ADCY9: variants seen among roughly 807,000 people sequenced by gnomAD.
The protein encoded by ADCY9 is adenylate cyclase type 9.
Under a neutral mutation model 101.5 loss-of-function variants are expected in ADCY9, and 50 were observed. The observed-to-expected ratio is 0.49, with a 90% confidence interval of 0.39 to 0.62. ADCY9 has a LOEUF of 0.62. ADCY9 is among the 20% of genes least tolerant of loss of function. The pLI, the probability that ADCY9 is intolerant of heterozygous loss-of-function variation, is 0.00. For missense variants in ADCY9, 1,662 were observed against 1,800.4 expected, an observed-to-expected ratio of 0.92 and a Z score of 1.39; for synonymous variants, 905 against 769.3, an observed-to-expected ratio of 1.18 and a Z score of -2.92.
At position 3,965,708 on chromosome 16, in the gene ADCY9, A is replaced by G; in HGVS notation, c.*67T>C. 6.8e-7 allele frequency: 1 copy of G among 1,479,534 alleles called. No homozygotes were observed. The highest frequency in any genetic ancestry group is 9.2e-7 in the Non-Finnish European group (1 of 1,088,084). The allele number at this position is 1,479,534 out of a possible 1,614,324, so 91.7% of individuals were successfully genotyped here. ...GCAACTGTGGCGCTTGGAAAGCACA[A>G]CAGCCAAATACAAATATTACTGTGT... On this transcript the variant is annotated 3_prime_UTR_variant, in exon 11 of 11. Coordinates refer to ENST00000294016, the MANE Select transcript of ADCY9 (RefSeq NM_001116.4).
chr16:3,990,359 G>T (rs61254246), intron 5 of ADCY9, among the ~76,000 whole-genome samples: 67,799 of 151,804 alleles, frequency 0.45, 17,521 homozygotes, highest in Non-Finnish European at 0.57. Context: ...CCAGCTACTC[G>T]GGTGGCTAAG....
chr16:4,007,618 C>T (rs1262000139), intron 2 of ADCY9, 60 bp from the exon 3 acceptor site: 3 of 1,407,294 alleles, frequency 2.1e-6, no homozygotes, highest in African/African-American at 2.9e-5. Flanking sequence ...TGAAACGCAG[C>T]TCCGTCTTGC....
chr16:4,077,357 T>C (rs1442016715), intron 2 of ADCY9, among the ~76,000 whole-genome samples: 1 of 152,110 alleles, frequency 6.6e-6, no homozygotes, highest in East Asian at 1.9e-4. Flanking sequence ...TTTCTGGCTG[T>C]AGAGAGATCA....
At chr16:4,103,572 G>A (rs375220540) in intron 2 of ADCY9, among the ~76,000 whole-genome samples, 2 of 152,362 alleles carry the variant, frequency 1.3e-5, no homozygotes, top group East Asian at 3.9e-4. Context: ...GCTCACGCCT[G>A]TAATCCCAGC....
downstream of ADCY9, among the ~76,000 whole-genome samples, chr16:3,959,235 C>A (rs1464692860): frequency 6.6e-6 from 1 of 152,026 alleles, no homozygotes; most frequent in Non-Finnish European, 1.5e-5. Flanking sequence ...GTGGCACGCA[C>A]TTGTAGTCCT....
chr16:3,963,708 C>G lies in ADCY9; in HGVS notation c.*2067G>C, dbSNP rs1298926034. 4.4e-6 allele frequency: 1 copy of G among 227,824 alleles called. No individual in the cohort carries two copies. The highest frequency in any genetic ancestry group is 8.5e-6 in the Non-Finnish European group (1 of 117,506). The allele number at this position is 227,824 out of a possible 1,614,324, so 14.1% of individuals were successfully genotyped here. On this transcript the variant is annotated 3_prime_UTR_variant, in exon 11 of 11. Transcript: ENST00000294016. The stretch of plus-strand genomic sequence containing the variant: ...AAGGTCGTGAGCAAACGCCCAGCCC[C>G]TCAAAGCTACACAGCCTGGAGGGGA...
rs149616013 is a variant in ADCY9 at position 3,979,178 on chromosome 16, C to G, written c.2617G>C (p.Val873Leu). ...TAGACGGCCAGTGCGGGAAGCGACA[C>G]CAGGATGGCCCCGATGCAGTGACGT... is the stretch of plus-strand genomic sequence containing the variant. ...LPRHCIGAIL[V>L]SLPALAVYSH... is the part of the protein sequence containing the mutation. Residue 873 changes from valine (V) to leucine (L), a missense_variant, in exon 8 of 11, where the codon GTG (valine) becomes CTG (leucine). Around this residue, in one of 5 missense-constraint regions of ADCY9, gnomAD observed 624 missense variants for 639.1 expected, o/e 0.98. Transcript: ENST00000294016. 1 of 1,614,032 alleles carries G rather than the reference C, an allele frequency of 6.2e-7. No individual in the cohort carries two copies.
chr16:4,086,327 T>G (rs973389097), intron 2 of ADCY9, among the ~76,000 whole-genome samples: 1 of 152,054 alleles, frequency 6.6e-6, no homozygotes, highest in Admixed American at 6.6e-5. Flanking sequence ...CCACATGCCA[T>G]GTACTACGTG....
At chr16:4,039,155 C>T (rs977618275) in intron 2 of ADCY9, among the ~76,000 whole-genome samples, 5 of 152,262 alleles carry the variant, frequency 3.3e-5, no homozygotes, top group Non-Finnish European at 4.4e-5. Flanking sequence ...GAGACTCTAA[C>T]GTGGCATGCA....
intron 2 of ADCY9, among the ~76,000 whole-genome samples, chr16:4,013,020 G>A (rs1254908612): frequency 6.6e-6 from 1 of 151,990 alleles, no homozygotes; most frequent in Non-Finnish European, 1.5e-5. Flanking sequence ...CGGAGGCCGC[G>A]GCAGGAGGAT....
At chr16:4,063,313 G>A (rs1421109325) in intron 2 of ADCY9, among the ~76,000 whole-genome samples, 4 of 151,958 alleles carry the variant, frequency 2.6e-5, no homozygotes, top group African/African-American at 9.7e-5. Flanking sequence ...GAAAAACACA[G>A]CAGATCAAAA....
intron 10 of ADCY9, among the ~76,000 whole-genome samples, chr16:3,974,295 C>T (rs932598144): frequency 2.7e-4 from 41 of 151,478 alleles, no homozygotes; most frequent in Admixed American, 1.9e-3. Flanking sequence ...CCGCCCGCCT[C>T]GGCCTCCCAA....
At chr16:4,085,340 C>T (rs190807663) in intron 2 of ADCY9, among the ~76,000 whole-genome samples, 4 of 152,102 alleles carry the variant, frequency 2.6e-5, no homozygotes, top group South Asian at 2.1e-4. Context: ...CCAGCCTGGG[C>T]GACAGAGCAA....
chr16:4,008,920 C>T (rs1291896102), intron 2 of ADCY9, among the ~76,000 whole-genome samples: 3 of 152,062 alleles, frequency 2.0e-5, no homozygotes, highest in African/African-American at 4.8e-5. Context: ...AAGATGCCAT[C>T]GAGAGGCGAC....
chr16:4,029,459 G>GT (rs1379318219), intron 2 of ADCY9, among the ~76,000 whole-genome samples: 3 of 152,126 alleles, frequency 2.0e-5, no homozygotes, highest in Non-Finnish European at 4.4e-5. Flanking sequence ...CTCAAAATCA[G>GT]TAAGAGGCCA....
rs375846081 is a variant in ADCY9 at position 4,115,428 on chromosome 16, G to A, written c.15C>T (p.Pro5=). 11 of 1,558,614 alleles carry A rather than the reference G, an allele frequency of 7.1e-6. No individual in the cohort carries two copies. Among genetic ancestry groups the A allele is most frequent in the South Asian group, 2.3e-5 (2 of 85,268 alleles). The change falls in exon 2 of 11, where the codon CCC becomes CCT. Residue 5 remains proline (P), a synonymous_variant. Coordinates refer to ENST00000294016, the MANE Select transcript of ADCY9 (RefSeq NM_001116.4). The surrounding 1 kb of genome is among the most constrained non-coding windows in gnomAD (Gnocchi z 6.2). MASP[P]HQQLLHHHST... The stretch of plus-strand genomic sequence containing the variant: ...TGTGGTGATGCAGCAGCTGCTGGTG[G>A]GGTGGGGAAGCCATGTTGTCGAGTC...
In ADCY9 at chr16:4,078,574, AGAAAAC is replaced by A. The variant is rs138513160; in HGVS notation, c.1693+35170_1693+35175del. 9.7e-4 allele frequency among the ~76,000 whole-genome samples: 138 copies of A among 142,714 alleles called. 1 individual carries two copies. Among genetic ancestry groups the A allele is most frequent in the Admixed American group, 3.1e-3 (44 of 13,986 alleles). The allele number at this position is 142,714 out of a possible 152,430, so 93.6% of individuals were successfully genotyped here. On this transcript the variant is annotated intron_variant, in intron 2 of 10. Transcript: ENST00000294016. ...TGTCTCAAAAAAAGAAAAAAAAAAA[AGAAAAC>A]AAAAACATAAAAGTATTAGAAGAAA...
intron 2 of ADCY9, among the ~76,000 whole-genome samples, chr16:4,030,595 C>T (rs1214358025): frequency 1.3e-5 from 2 of 151,898 alleles, no homozygotes; most frequent in Admixed American, 6.6e-5. Context: ...CCCAGCTCCT[C>T]AGGAAGCTGA....
At chr16:3,956,503 T>TTTTTTTTTTTTTTTGGGG (rs55792938) in intron 5 of ADCY9, among the ~76,000 whole-genome samples, 1 of 69,496 alleles carries the variant, frequency 1.4e-5, no homozygotes, top group African/African-American at 4.0e-5. Context: ...TTTTTTTTTT[T>TTTTTTTTTTTTTTTGGGG]GGGGGGGGAT....
Sources: gnomAD v4.1 joint callset for allele counts (sites outside exome capture counted in the v4.1 genomes callset) on GRCh38, gnomAD v4.1.1 for gene constraint, gnomAD v4.1.1 regional missense constraint, Gnocchi (gnomAD v3.1) non-coding constraint, MANE v1.5 for transcripts, NCBI Gene and HGNC (gene_info 2026-07-23, HGNC 2026-07-21) for gene names.